Variants in CHID1 observed in about 807,000 individuals in gnomAD.
CHID1 encodes chitinase domain containing 1.
A neutral mutation model predicts 55.4 loss-of-function variants in CHID1; 44 were observed. The observed-to-expected ratio is 0.79, with a 90% CI of 0.62 to 1.02. The LOEUF is 1.02. Among genes scored for constraint, CHID1 ranks in the 50% least tolerant of loss-of-function variants. The pLI, the probability that CHID1 is intolerant of heterozygous loss-of-function variation, is 0.00. For synonymous variants in CHID1, 216 were observed against 212.9 expected (o/e 1.01, Z -0.13); for missense variants, 491 against 515.3 (o/e 0.95, Z 0.46).
intron 7 of CHID1, 47 bp downstream of exon 7, chr11:899,293 A>T: frequency 2.6e-6 from 4 of 1,551,354 alleles, no homozygotes; most frequent in Non-Finnish European, 3.5e-6. Context: ...TCCTTCAAAC[A>T]CCAGGGCCAG....
At chr11:892,543 T>C (rs1850922033) in intron 8 of CHID1, among the ~76,000 whole-genome samples, 1 of 152,224 alleles carries the variant, frequency 6.6e-6, no homozygotes, top group Non-Finnish European at 1.5e-5. Context: ...AGGATCAGTC[T>C]GAGCCCAACA....
intron 10 of CHID1, among the ~76,000 whole-genome samples, chr11:881,587 ACG>A: frequency 5.9e-5 from 1 of 16,836 alleles, no homozygotes; most frequent in South Asian, 4.7e-3. Context: ...GGAAAGGACC[ACG>A]TCGGGCGGTA....
In CHID1 at chr11:869,126, A is replaced by G. The variant is rs1849008190; in HGVS notation, c.*732T>C. The G allele has an allele frequency of 6.6e-6, 1 of 152,452 alleles. No homozygotes were observed. Among genetic ancestry groups the G allele is most frequent in the Non-Finnish European group, 1.5e-5 (1 of 68,254 alleles). The allele number at this position is 152,452 out of a possible 1,614,324, so 9.4% of individuals were successfully genotyped here. A position where few individuals can be genotyped will look rare whatever the true frequency, so the allele number is the denominator to read the frequency against. ...TCCTCTGCCCCACCCCTCGCTGGAA[A>G]TGCCTGTCCCGATATGGCCCACGGG... is the stretch of plus-strand genomic sequence containing the variant. On this transcript the variant is annotated 3_prime_UTR_variant, in exon 13 of 13. Transcript: ENST00000323578.
Position 900,076 on chromosome 11 carries a change from A to G in CHID1, c.474T>C (p.Asp158=). The G allele has an allele frequency of 6.2e-7, 1 of 1,614,050 alleles. No individual in the cohort carries two copies. Residue 158 remains aspartate (D), a synonymous_variant, in exon 6 of 13, where the codon GAT becomes GAC. Coordinates refer to ENST00000323578, the MANE Select transcript of CHID1 (RefSeq NM_023947.4). The stretch of plus-strand genomic sequence containing the variant: ...CACTGTCTAAGACGTTCCGGAAATC[A>G]TCGTAAGTCCAGTCCTCAAACAGGA... The part of the protein sequence containing the change: ...PRLLFEDWTY[D]DFRNVLDSED...
chr11:876,350 G>C (rs562060319), intron 10 of CHID1, among the ~76,000 whole-genome samples: 39 of 152,314 alleles, frequency 2.6e-4, no homozygotes, highest in African/African-American at 8.9e-4. Flanking sequence ...ACAGGGTGCA[G>C]ATGAACAGTG....
chr11:899,515 G>A (rs1403791621), intron 6 of CHID1, 114 bp from the exon 7 acceptor site: 14 of 948,246 alleles, frequency 1.5e-5, no homozygotes, highest in African/African-American at 4.9e-5. Flanking sequence ...GGTCACTCAC[G>A]AGGCAAGACC....
chr11:888,640 C>G (rs550220908), intron 8 of CHID1, among the ~76,000 whole-genome samples: 1 of 152,210 alleles, frequency 6.6e-6, no homozygotes, highest in Admixed American at 6.5e-5. Flanking sequence ...ACGAAAGCCC[C>G]GGGAGGAAGG....
intron 10 of CHID1, among the ~76,000 whole-genome samples, chr11:874,482 T>C (rs1313759693): frequency 6.6e-6 from 1 of 151,924 alleles, no homozygotes; most frequent in South Asian, 2.1e-4. Context: ...AAAGATAGGG[T>C]CTTGTTCTGT....
At chr11:910,868 C>T, upstream of CHID1, 4 of 1,072,152 alleles carry the variant, frequency 3.7e-6, no homozygotes, top group Non-Finnish European at 4.6e-6. Context: ...CGCGCCGCCG[C>T]CGCGCACGGC....
chr11:876,099 G>A (rs762489097), intron 10 of CHID1, among the ~76,000 whole-genome samples: 20 of 152,194 alleles, frequency 1.3e-4, no homozygotes, highest in South Asian at 2.1e-4. Context: ...CGAGAACAGA[G>A]GGTGAGGAGA....
upstream of CHID1, chr11:911,271 T>C (rs1852671915): frequency 6.6e-6 from 1 of 151,450 alleles, no homozygotes; most frequent in African/African-American, 2.4e-5. Context: ...ACCATCTCCA[T>C]CCCCAGGCCG....
chr11:902,470 T>A, intron 3 of CHID1, 140 bp from the exon 4 acceptor site: 1 of 881,820 alleles, frequency 1.1e-6, no homozygotes, highest in Admixed American at 2.5e-5. Context: ...CATCAGCTCC[T>A]GGCCTGGGGT....
chr11:879,764 G>A (rs1369368938), intron 10 of CHID1, among the ~76,000 whole-genome samples: 1 of 152,254 alleles, frequency 6.6e-6, no homozygotes, highest in Non-Finnish European at 1.5e-5. Flanking sequence ...TGAAGGCCTG[G>A]GTGAGCAGAG....
intron 10 of CHID1, among the ~76,000 whole-genome samples, chr11:882,177 T>C (rs1850008906): frequency 6.6e-6 from 1 of 151,898 alleles, no homozygotes; most frequent in African/African-American, 2.4e-5. Context: ...ATACAAAAAT[T>C]AGCAGGGCGC....
At chr11:886,734 C>T (rs1252136448) in intron 8 of CHID1, among the ~76,000 whole-genome samples, 1 of 152,196 alleles carries the variant, frequency 6.6e-6, no homozygotes, top group Admixed American at 6.5e-5. Flanking sequence ...CTCTCCGAGT[C>T]GGTCCCAGGT....
At chr11:911,789 C>G (rs1405604857), upstream of CHID1, among the ~76,000 whole-genome samples, 9 of 152,204 alleles carry the variant, frequency 5.9e-5, no homozygotes, top group Non-Finnish European at 1.2e-4. Flanking sequence ...TGGGCTCTTA[C>G]TCAGCTTAGC....
At chr11:890,145 C>T (rs1013655301) in intron 8 of CHID1, among the ~76,000 whole-genome samples, 4 of 152,246 alleles carry the variant, frequency 2.6e-5, no homozygotes, top group Admixed American at 1.3e-4. Flanking sequence ...CCTGACTGGC[C>T]GGTTAGCACC....
At position 893,537 on chromosome 11, in the gene CHID1, T is replaced by C. The variant is rs1226843256; in HGVS notation, c.609-18A>G. 3.9e-6 allele frequency: 6 copies of C among 1,540,270 alleles called. No individual in the cohort carries two copies. ...TGAGGCCCCTGCAAGAACCGAGAGA[T>C]GGGGTCAGCAGTGCCTGGCACTGAG... is the stretch of plus-strand genomic sequence containing the variant. On this transcript the variant is annotated intron_variant, in intron 7 of 12. Transcript: ENST00000323578.
At chr11:893,639 G>A in intron 7 of CHID1, 120 bp from the exon 8 acceptor site, 2 of 709,156 alleles carry the variant, frequency 2.8e-6, no homozygotes, top group East Asian at 2.9e-5. Flanking sequence ...CCCTGCAGCA[G>A]GGCAGGTGGG....
Sources: gnomAD v4.1 joint callset for allele counts (sites outside exome capture counted in the v4.1 genomes callset) on GRCh38, gnomAD v4.1.1 for gene constraint, MANE v1.5 for transcripts, NCBI Gene and HGNC (gene_info 2026-07-23, HGNC 2026-07-21) for gene names.